FER: variants seen among roughly 807,000 people sequenced by gnomAD.
FER encodes the protein tyrosine-protein kinase Fer.
FER carries 63 observed loss-of-function variants against 111.0 expected under a neutral mutation model. That is an observed-to-expected ratio of 0.57 (90% confidence interval 0.46 to 0.70). The LOEUF is 0.70. Ranked by LOEUF, FER falls within the 30% of genes least tolerant of loss-of-function variation. The pLI, the probability that FER is intolerant of heterozygous loss-of-function variation, is 0.00. For missense variants in FER, 914 were observed against 954.0 expected (o/e 0.96, Z 0.55); for synonymous variants, 327 against 313.9 (o/e 1.04, Z -0.44).
At chr5:108,872,403 A>C (rs920764291) in intron 8 of FER, among the ~76,000 whole-genome samples, 191 bp downstream of exon 8, 1 of 152,134 alleles carries the variant, frequency 6.6e-6, no homozygotes, top group Non-Finnish European at 1.5e-5. Context: ...CCGAATATCA[A>C]AGTTCTGTGT....
At chr5:108,925,637 C>T (rs1753631938) in intron 10 of FER, among the ~76,000 whole-genome samples, 1 of 151,954 alleles carries the variant, frequency 6.6e-6, no homozygotes. Context: ...TTCTGGTCTT[C>T]AAATAAGAAT....
At chr5:108,970,762 A>G (rs563555082) in intron 13 of FER, among the ~76,000 whole-genome samples, 33 of 152,284 alleles carry the variant, frequency 2.2e-4, no homozygotes, top group African/African-American at 6.7e-4. Context: ...TGATAAGAGG[A>G]GAAGCTAAAC....
intron 13 of FER, among the ~76,000 whole-genome samples, chr5:109,027,367 T>C (rs557890901): frequency 5.3e-5 from 8 of 152,072 alleles, no homozygotes; most frequent in Non-Finnish European, 1.0e-4. Flanking sequence ...GAATTAAAAA[T>C]ATAACTTCAG....
chr5:108,870,233 C>A (rs1048791677), intron 6 of FER, among the ~76,000 whole-genome samples: 17 of 152,150 alleles, frequency 1.1e-4, no homozygotes, highest in African/African-American at 3.8e-4. Flanking sequence ...AGATGAATCT[C>A]ATGGAACAAA....
In FER at chr5:109,041,404, A is replaced by G. The variant is rs145346073; in HGVS notation, c.1714-3276A>G. Among the ~76,000 whole-genome samples the G allele has an allele frequency of 7.6e-3, 1,161 of 152,240 alleles. 11 individuals are homozygous for G. The highest frequency in any genetic ancestry group is 0.027 in the African/African-American group (1,134 of 41,542). ...ATGACGTAAAAAGTGATAGAACCGAAAGATTGGCAGTTCCTATAAAGTCAA... is the reference window on the plus strand; with the variant it reads ...ATGACGTAAAAAGTGATAGAACCGAGAGATTGGCAGTTCCTATAAAGTCAA... On this transcript the variant is annotated intron_variant, in intron 14 of 19. Transcript: ENST00000281092.
intron 8 of FER, among the ~76,000 whole-genome samples, chr5:108,879,250 A>G (rs986501917): frequency 2.0e-5 from 3 of 152,002 alleles, no homozygotes; most frequent in East Asian, 1.9e-4. Flanking sequence ...ATGCTATTTT[A>G]TTTTATTTAA....
chr5:109,058,948 C>T (rs1434913432), intron 16 of FER, among the ~76,000 whole-genome samples: 2 of 151,540 alleles, frequency 1.3e-5, no homozygotes, highest in Admixed American at 6.6e-5. Flanking sequence ...CCATGTTGGT[C>T]AGGCTGGTCT....
intron 11 of FER, among the ~76,000 whole-genome samples, chr5:108,951,959 C>T (rs985221136): frequency 3.9e-5 from 6 of 152,026 alleles, no homozygotes; most frequent in African/African-American, 1.4e-4. Flanking sequence ...TCAAGTGCTG[C>T]CTCCTTATTG....
chr5:108,932,772 C>A (rs745697940), intron 10 of FER, among the ~76,000 whole-genome samples: 42 of 148,316 alleles, frequency 2.8e-4, no homozygotes, highest in Non-Finnish European at 4.8e-4. Flanking sequence ...CTCTAATGAC[C>A]AGTGATGATG....
chr5:108,888,190 A>G (rs1268660252), intron 9 of FER, among the ~76,000 whole-genome samples: 1 of 151,656 alleles, frequency 6.6e-6, no homozygotes, highest in Non-Finnish European at 1.5e-5. Context: ...GGAACCTTAC[A>G]TTTTTTTCCT....
rs1325719292 is a variant in FER at position 109,192,630 on chromosome 5, C to G, written c.*5055C>G. The G allele has an allele frequency of 6.6e-6, 1 of 152,170 alleles. No homozygotes were observed. Among genetic ancestry groups the G allele is most frequent in the African/African-American group, 2.4e-5 (1 of 41,456 alleles). 9.4% of individuals were successfully genotyped at this position (152,170 alleles called of 1,614,324 possible). On this transcript the variant is annotated 3_prime_UTR_variant, in exon 20 of 20. Transcript: ENST00000281092. ...TTTAATATTTCTTAAGCTAAGATCACTGATTATCCACACGTTATTAGAAAT... is the reference window on the plus strand; with the variant it reads ...TTTAATATTTCTTAAGCTAAGATCAGTGATTATCCACACGTTATTAGAAAT...
chr5:108,753,140 C>T (rs901213239), intron 1 of FER, among the ~76,000 whole-genome samples: 2 of 151,996 alleles, frequency 1.3e-5, no homozygotes, highest in Non-Finnish European at 2.9e-5. Context: ...ATTAAACTGA[C>T]TTTAGGAAGT....
chr5:109,086,899 C>A (rs1777626192), intron 16 of FER, among the ~76,000 whole-genome samples: 2 of 150,092 alleles, frequency 1.3e-5, no homozygotes, highest in Non-Finnish European at 3.0e-5. Context: ...GGCCTCTCTT[C>A]TTAGCTTGTG....
chr5:109,039,219 T>G (rs1387427821), intron 14 of FER, among the ~76,000 whole-genome samples: 1 of 151,946 alleles, frequency 6.6e-6, no homozygotes, highest in Non-Finnish European at 1.5e-5. Flanking sequence ...GAGGGTTTTT[T>G]TTTTTGTATT....
chr5:108,986,359 G>A (rs1762576742), intron 13 of FER, among the ~76,000 whole-genome samples: 1 of 149,790 alleles, frequency 6.7e-6, no homozygotes, highest in Admixed American at 6.7e-5. Context: ...TTTTTCAGAT[G>A]TATAGATTGT....
rs189985690 is a variant in FER at position 108,995,436 on chromosome 5, G to A, written c.1656+36089G>A. Among the ~76,000 whole-genome samples, 439 of 151,240 alleles carry A rather than the reference G, an allele frequency of 2.9e-3. 1 individual carries two copies. The highest frequency in any genetic ancestry group is 4.7e-3 in the Non-Finnish European group (320 of 67,860). On this transcript the variant is annotated intron_variant, in intron 13 of 19. Transcript: ENST00000281092. ...CTACTAGCCCCCCACCCCCCAACAG[G>A]CCCCAGTGTGTGATGTTCCCCTTCC...
intron 10 of FER, among the ~76,000 whole-genome samples, chr5:108,901,238 CTT>C (rs972353204): frequency 6.7e-6 from 1 of 149,036 alleles, no homozygotes; most frequent in Non-Finnish European, 1.5e-5. Flanking sequence ...GAATTTCTTT[CTT>C]TTTTTTTTCC....
Position 109,076,276 on chromosome 5 carries a change from T to C in FER, c.1925-24120T>C, listed in dbSNP as rs1308958685. Among the ~76,000 whole-genome samples, 6 of 152,208 alleles carry C rather than the reference T, an allele frequency of 3.9e-5. No individual in the cohort carries two copies. The East Asian group carries it at 1.2e-3, about 29-fold the overall frequency. The stretch of plus-strand genomic sequence containing the variant: ...AACTATTATGTAGCAACATTACTAA[T>C]ATTAGGCTAAAAGAAAACTTTATTA... On this transcript the variant is annotated intron_variant, in intron 16 of 19. Coordinates refer to ENST00000281092, the MANE Select transcript of FER (RefSeq NM_005246.4).
rs1437559965 is a variant in FER at position 108,768,851 on chromosome 5, G to T, written c.-60+613G>T. 2.6e-5 allele frequency among the ~76,000 whole-genome samples: 4 copies of T among 151,486 alleles called. 1 individual carries two copies. The South Asian group carries it at 6.2e-4, about 24-fold the overall frequency. On this transcript the variant is annotated intron_variant, in intron 2 of 19. Transcript: ENST00000281092. Reference sequence around the variant, plus strand: ...CAATTTTTTTTTTTTTTGAGACAGGGTCTGGCTCTGTCGCCCAGGCTGGAG... The same window carrying T: ...CAATTTTTTTTTTTTTTGAGACAGGTTCTGGCTCTGTCGCCCAGGCTGGAG...
Sources: gnomAD v4.1 joint callset for allele counts (sites outside exome capture counted in the v4.1 genomes callset) on GRCh38, gnomAD v4.1.1 for gene constraint, MANE v1.5 for transcripts, NCBI Gene and HGNC (gene_info 2026-07-23, HGNC 2026-07-21) for gene names.